The following CLVS1 variants were observed in gnomAD, a reference collection of about 807,000 sequenced individuals.
CLVS1 encodes clavesin 1.
A neutral mutation model predicts 33.1 loss-of-function variants in CLVS1; 10 were observed. The observed-to-expected ratio is 0.30, with a 90% CI of 0.19 to 0.51. The LOEUF is 0.51. Ranked by LOEUF, CLVS1 falls within the 20% of genes least tolerant of loss-of-function variation. The probability of loss-of-function intolerance (pLI) is 0.97; values close to 1 mark genes in which losing one functional copy is unlikely to be tolerated. For missense variants in CLVS1, 343 were observed against 433.4 expected (o/e 0.79, Z 1.85); for synonymous variants, 163 against 166.1 (o/e 0.98, Z 0.14).
chr8:61,445,350 C>A (rs1188936992), intron 3 of CLVS1, among the ~76,000 whole-genome samples: 2 of 152,126 alleles, frequency 1.3e-5, no homozygotes, highest in Admixed American at 6.5e-5. Context: ...CCTAGTGGGT[C>A]ATGGGGGTGG....
At chr8:61,359,781 C>A (rs1412991532) in intron 2 of CLVS1, among the ~76,000 whole-genome samples, 1 of 152,206 alleles carries the variant, frequency 6.6e-6, no homozygotes, top group African/African-American at 2.4e-5. Context: ...ATATAGTTAA[C>A]CTATGGGAAA....
At chr8:61,168,475 T>C (rs1026089718) in intron 2 of CLVS1, among the ~76,000 whole-genome samples, 2 of 152,232 alleles carry the variant, frequency 1.3e-5, no homozygotes, top group Non-Finnish European at 2.9e-5. Context: ...GATTTATCTT[T>C]GGTAGCAATG....
intron 5 of CLVS1, among the ~76,000 whole-genome samples, chr8:61,470,836 T>G (rs1377922401): frequency 6.6e-6 from 1 of 152,226 alleles, no homozygotes; most frequent in East Asian, 1.9e-4. Flanking sequence ...GATGTTCAAA[T>G]GGTGGTATTA....
chr8:60,981,617 G>A, the CLVS1 span, among the ~76,000 whole-genome samples: 4 of 152,232 alleles, frequency 2.6e-5, no homozygotes, highest in Non-Finnish European at 4.4e-5. Flanking sequence ...AATATCTGGT[G>A]TTCCCTGGTG....
rs199906090 is a variant in CLVS1 at position 61,427,280 on chromosome 8, TC to T, written c.631-26859del. Among the ~76,000 whole-genome samples the T allele has an allele frequency of 5.0e-4, 76 of 152,250 alleles. 1 individual carries two copies. In the East Asian group the frequency reaches 0.012, roughly 23 times the overall value. On this transcript the variant is annotated intron_variant, in intron 3 of 5. Coordinates refer to ENST00000325897, the MANE Select transcript of CLVS1 (RefSeq NM_173519.3). ...AGTTCCCACATCTCTCCCCATACCT[TC>T]CAGCACCTGCTTTCTTGGTATCTCC...
chr8:61,057,675 G>A (rs374282778), intron 1 of CLVS1, among the ~76,000 whole-genome samples: 64 of 152,236 alleles, frequency 4.2e-4, no homozygotes, highest in South Asian at 2.5e-3. Context: ...CAACTGTGCA[G>A]CAACCAGGAT....
chr8:61,489,265 C>T (rs1238416283), intron 5 of CLVS1, among the ~76,000 whole-genome samples: 1 of 152,160 alleles, frequency 6.6e-6, no homozygotes, highest in Non-Finnish European at 1.5e-5. Context: ...TCAATATTAA[C>T]ATTTACTAAT....
chr8:61,174,372 G>A (rs959465224), intron 2 of CLVS1, among the ~76,000 whole-genome samples: 1 of 152,102 alleles, frequency 6.6e-6, no homozygotes, highest in African/African-American at 2.4e-5. Context: ...GGAGGCAGAG[G>A]TTGCAGTGAG....
chr8:61,292,282 AC>A, intron 1 of CLVS1: 1 of 453,554 alleles, frequency 2.2e-6, no homozygotes, highest in Non-Finnish European at 4.4e-6. Flanking sequence ...CTCCCACCTC[AC>A]CCTTAAGCTT....
chr8:61,403,999 T>C (rs1814878200), intron 3 of CLVS1, among the ~76,000 whole-genome samples: 1 of 152,164 alleles, frequency 6.6e-6, no homozygotes, highest in South Asian at 2.1e-4. Context: ...CCAGACATAA[T>C]GAATAATCGA....
intron 1 of CLVS1, among the ~76,000 whole-genome samples, chr8:61,113,458 G>GTGAGCA (rs2129288603): frequency 6.6e-6 from 1 of 152,294 alleles, no homozygotes; most frequent in Non-Finnish European, 1.5e-5. Flanking sequence ...GTGTGTGGTG[G>GTGAGCA]TGAGCAGAGC....
intron 5 of CLVS1, among the ~76,000 whole-genome samples, chr8:61,495,246 C>T (rs1804229671): frequency 6.6e-6 from 1 of 152,188 alleles, no homozygotes; most frequent in South Asian, 2.1e-4. Flanking sequence ...TGCCTCTCCT[C>T]TGACTGGGTA....
chr8:61,214,604 C>G (rs763321618), intron 2 of CLVS1, among the ~76,000 whole-genome samples: 2 of 152,192 alleles, frequency 1.3e-5, no homozygotes, highest in Non-Finnish European at 2.9e-5. Flanking sequence ...CTGTTGACAT[C>G]TTGATCTTCG....
chr8:61,271,951 GGTCT>G (rs1554552268), intron 2 of CLVS1, among the ~76,000 whole-genome samples: 2 of 151,640 alleles, frequency 1.3e-5, no homozygotes, highest in Non-Finnish European at 1.5e-5. Context: ...CACACTGATG[GGTCT>G]GTCTGTGTCT....
At chr8:61,375,234 C>A (rs1036942042) in intron 2 of CLVS1, among the ~76,000 whole-genome samples, 1 of 145,942 alleles carries the variant, frequency 6.9e-6, no homozygotes, top group Admixed American at 7.3e-5. Context: ...TTAGTATATT[C>A]TTAGTGGCTT....
intron 2 of CLVS1, among the ~76,000 whole-genome samples, chr8:61,318,346 T>C (rs1362966102): frequency 1.3e-5 from 2 of 152,200 alleles, no homozygotes; most frequent in East Asian, 3.9e-4. Context: ...ACTCATTTTA[T>C]GTATTCTTTC....
intron 2 of CLVS1, among the ~76,000 whole-genome samples, chr8:61,213,129 C>T (rs866434213): frequency 2.3e-4 from 35 of 151,698 alleles, no homozygotes; most frequent in Non-Finnish European, 7.4e-5. Flanking sequence ...AAAGGAGGCT[C>T]TTACCTGCTC....
upstream of CLVS1, among the ~76,000 whole-genome samples, chr8:61,054,295 C>A (rs906124085): frequency 6.6e-6 from 1 of 152,160 alleles, no homozygotes; most frequent in African/African-American, 2.4e-5. Context: ...GGTAGGGTTG[C>A]GACCAGAGAA....
chr8:61,331,354 T>C (rs998628934), intron 2 of CLVS1, among the ~76,000 whole-genome samples: 1 of 152,116 alleles, frequency 6.6e-6, no homozygotes, highest in Non-Finnish European at 1.5e-5. Flanking sequence ...ATTTACTCAG[T>C]TGAGCACTCT....
Sources: gnomAD v4.1 joint callset for allele counts (sites outside exome capture counted in the v4.1 genomes callset) on GRCh38, gnomAD v4.1.1 for gene constraint, MANE v1.5 for transcripts, NCBI Gene and HGNC (gene_info 2026-07-23, HGNC 2026-07-21) for gene names.